Variants in MMAA observed in about 807,000 individuals in gnomAD.
MMAA encodes the protein metabolism of cobalamin associated A.
MMAA carries 41 observed loss-of-function variants against 45.0 expected under a neutral mutation model. That is an observed-to-expected ratio of 0.91 (90% CI 0.71 to 1.18). The LOEUF is 1.18. Among genes scored for constraint, MMAA ranks in the 50% most tolerant of loss-of-function variants. The pLI is 0.00. For synonymous variants in MMAA, 154 were observed against 178.2 expected (o/e 0.86, Z 1.08); for missense variants, 460 against 495.7 (o/e 0.93, Z 0.68).
At chr4:145,624,472 C>A (rs562937052) in intron 1 of MMAA, 3 of 895,292 alleles carry the variant, frequency 3.4e-6, no homozygotes, top group South Asian at 1.5e-5. Flanking sequence ...GTATTAGGCC[C>A]TTTCTTAGGA....
chr4:145,659,660 A>C lies in MMAA; in HGVS notation c.*4226A>C, dbSNP rs1224669646. 1 of 151,902 alleles carries C rather than the reference A, an allele frequency of 6.6e-6. No individual in the cohort carries two copies. The highest frequency in any genetic ancestry group is 6.6e-5 in the Admixed American group (1 of 15,258). The allele number at this position is 151,902 out of a possible 1,614,324, so 9.4% of individuals were successfully genotyped here. A position where few individuals can be genotyped will look rare whatever the true frequency, so the allele number is the denominator to read the frequency against. On this transcript the variant is annotated 3_prime_UTR_variant, in exon 7 of 7. Transcript: ENST00000649156. Reference sequence around the variant, plus strand: ...ATAGAGTTCTTTTTTTTCTTTTTTCAATTTTTACAATAATTTTTGACACAT... The same window carrying C: ...ATAGAGTTCTTTTTTTTCTTTTTTCCATTTTTACAATAATTTTTGACACAT...
chr4:145,643,659 G>A (rs547266625), intron 3 of MMAA, among the ~76,000 whole-genome samples: 1 of 152,068 alleles, frequency 6.6e-6, no homozygotes. Flanking sequence ...TGCTCACAAG[G>A]TTCAAAATTA....
At chr4:145,623,700 G>A (rs1319582659) in intron 1 of MMAA, among the ~76,000 whole-genome samples, 1 of 152,178 alleles carries the variant, frequency 6.6e-6, no homozygotes, top group Non-Finnish European at 1.5e-5. Flanking sequence ...ACCAGTAACA[G>A]AAGAAAACCC....
rs886059112 is a variant in MMAA, at chr4:145,658,656, T to C, written c.*3222T>C. 2.9e-5 allele frequency: 4 copies of C among 138,300 alleles called. No individual in the cohort carries two copies. Among genetic ancestry groups the C allele is most frequent in the Non-Finnish European group, 4.6e-5 (3 of 64,880 alleles). 8.6% of individuals were successfully genotyped at this position (138,300 alleles called of 1,614,324 possible). A position where few individuals can be genotyped will look rare whatever the true frequency, so the allele number is the denominator to read the frequency against. On this transcript the variant is annotated 3_prime_UTR_variant, in exon 7 of 7. Transcript: ENST00000649156. ...TGAAGACAACAGCTAACGAACAACA[T>C]ACGTGTGATAATTTATGTAGTTGAA... is the stretch of plus-strand genomic sequence containing the variant.
At chr4:145,623,908 T>C (rs1734141829) in intron 1 of MMAA, among the ~76,000 whole-genome samples, 3 of 152,180 alleles carry the variant, frequency 2.0e-5, no homozygotes, top group Admixed American at 2.0e-4. Context: ...GCATTTCTGG[T>C]GTGGGGGTGA....
At chr4:145,649,995 A>G (rs1326813616) in intron 4 of MMAA, among the ~76,000 whole-genome samples, 1 of 152,184 alleles carries the variant, frequency 6.6e-6, no homozygotes, top group Non-Finnish European at 1.5e-5. Context: ...GGGCTGGAAG[A>G]CAGTTTTAAG....
In MMAA at chr4:145,639,536, C is replaced by T. The variant is rs754545360; in HGVS notation, c.397C>T (p.Gln133Ter). ...GAAAGTATTACTTTACCACAGAGAA[C>T]AAGAACAATCAAATAAAGGAAAACC... ...LQKVLLYHRE[Q>*]EQSNKGKPLA... The change falls in exon 2 of 7, where the codon CAA (glutamine) becomes TAA (stop). Residue 133 changes from glutamine (Q) to a stop codon, truncating the protein, a stop_gained. Transcript: ENST00000649156. LOFTEE classifies it high-confidence loss of function. 6.2e-7 allele frequency: 1 copy of T among 1,611,180 alleles called. No homozygotes were observed. Among genetic ancestry groups the T allele is most frequent in the Non-Finnish European group, 8.5e-7 (1 of 1,178,442 alleles).
chr4:145,652,091 G>A lies in MMAA; in HGVS notation c.819+944G>A, dbSNP rs370316385. 3.5e-3 allele frequency among the ~76,000 whole-genome samples: 538 copies of A among 152,192 alleles called. 3 individuals carry two copies. Among genetic ancestry groups the A allele is most frequent in the Non-Finnish European group, 6.1e-3 (414 of 68,006 alleles). On this transcript the variant is annotated intron_variant, in intron 5 of 6. Transcript: ENST00000649156. ...GAAAGCACTATATTACAATTGCAGC[G>A]TGCTTATAAAGGAGACAAATCAGGA...
rs745735153 is a variant in MMAA, at chr4:145,639,257, T to C, written c.118T>C (p.Cys40Arg). ...TACTCATCTCGGATCAGGAATCCCA[T>C]GTGCTCAGCCGTTTAATTCTCTTGG... ...SSTHLGSGIP[C>R]AQPFNSLGLH... The change falls in exon 2 of 7, where the codon TGT becomes CGT. Residue 40 changes from cysteine (C) to arginine (R), a missense_variant. Physicochemically the swap from Cys to Arg is radical, Grantham distance 180 (BLOSUM62 -3). Coordinates refer to ENST00000649156, the MANE Select transcript of MMAA (RefSeq NM_172250.3). 8.1e-6 allele frequency: 13 copies of C among 1,614,204 alleles called. No individual in the cohort carries two copies. The highest frequency in any genetic ancestry group is 5.0e-5 in the Admixed American group (3 of 60,024).
At chr4:145,647,424 G>A (rs1321424185) in intron 4 of MMAA, among the ~76,000 whole-genome samples, 1 of 152,212 alleles carries the variant, frequency 6.6e-6, no homozygotes, top group Non-Finnish European at 1.5e-5. Flanking sequence ...CATAGTTTAA[G>A]TTAAAAATTT....
Position 145,646,115 on chromosome 4 carries a change from G to A in MMAA, c.692G>A (p.Cys231Tyr), listed in dbSNP as rs1260174931. ...TRTTNEAILL[C>Y]EGAGYDIILI... ...ACCACAAATGAAGCTATTCTGTTGT[G>A]TGAAGGAGCGGGATATGACATAATT... is the stretch of plus-strand genomic sequence containing the variant. The change falls in exon 4 of 7, where the codon TGT becomes TAT. Residue 231 changes from cysteine to tyrosine, a missense_variant. Coordinates refer to ENST00000649156, the MANE Select transcript of MMAA (RefSeq NM_172250.3). 1 of 1,614,102 alleles carries A rather than the reference G, an allele frequency of 6.2e-7. No individual in the cohort carries two copies. Among genetic ancestry groups the A allele is most frequent in the South Asian group, 1.1e-5 (1 of 91,080 alleles).
intron 1 of MMAA, chr4:145,625,104 C>G (rs1437079642): frequency 9.6e-7 from 1 of 1,040,634 alleles, no homozygotes; most frequent in African/African-American, 1.6e-5. Flanking sequence ...TGGAGAGTCA[C>G]TAGCCAATCT....
At chr4:145,637,291 C>A (rs2126615598) in intron 1 of MMAA, among the ~76,000 whole-genome samples, 1 of 152,266 alleles carries the variant, frequency 6.6e-6, no homozygotes, top group Middle Eastern at 3.4e-3. Context: ...AAAGTAGACT[C>A]CCTCTTAAAG....
Position 145,655,419 on chromosome 4 carries a change from TA to T in MMAA, c.1246del (p.Ser416AlafsTer10). The T allele has an allele frequency of 6.2e-7, 1 of 1,611,384 alleles. No homozygotes were observed. The highest frequency in any genetic ancestry group is 8.5e-7 in the Non-Finnish European group (1 of 1,179,148). ...CAGCAGACTTCTTGTTAAAAGCTTT[TA>T]AAAGCAGAGACTAATAAAATTCATC... ...LAADFLLKAFKSRD is the reference protein window; with the variant it reads ...LAADFLLKAFXSRD On this transcript the variant is annotated frameshift_variant, in exon 7 of 7. Coordinates refer to ENST00000649156, the MANE Select transcript of MMAA (RefSeq NM_172250.3). LOFTEE classifies it high-confidence loss of function.
chr4:145,652,033 G>C (rs906578885), intron 5 of MMAA, among the ~76,000 whole-genome samples: 1 of 151,924 alleles, frequency 6.6e-6, no homozygotes, highest in Non-Finnish European at 1.5e-5. Context: ...GGGGGTTGGG[G>C]ACCCTTGCAC....
intron 1 of MMAA, chr4:145,625,912 T>A (rs1476914110): frequency 6.3e-7 from 1 of 1,583,218 alleles, no homozygotes; most frequent in Non-Finnish European, 8.6e-7. Flanking sequence ...AAGTTATCTT[T>A]AATTTGCTGT....
chr4:145,637,321 TTG>T lies in MMAA; in HGVS notation c.-65-1748_-65-1747del, dbSNP rs1727641281. ...TTAAAGTTTTGTTTTAAATGTCTTT[TTG>T]TGTGTTTGTGTGAAAGGTGACATTA... On this transcript the variant is annotated intron_variant, in intron 1 of 6. Coordinates refer to ENST00000649156, the MANE Select transcript of MMAA (RefSeq NM_172250.3). 2.0e-5 allele frequency among the ~76,000 whole-genome samples: 3 copies of T among 152,230 alleles called. No homozygotes were observed. In the South Asian group the frequency reaches 6.2e-4, roughly 32 times the overall value.
chr4:145,622,179 A>G (rs1178111277), intron 1 of MMAA, among the ~76,000 whole-genome samples: 2 of 152,206 alleles, frequency 1.3e-5, no homozygotes, highest in Non-Finnish European at 2.9e-5. Context: ...TTATGGGGAC[A>G]GGTCTTTCCT....
intron 2 of MMAA, 29 bp from the exon 3 acceptor site, chr4:145,642,334 T>C (rs1390325222): frequency 1.9e-6 from 3 of 1,612,596 alleles, no homozygotes; most frequent in South Asian, 1.1e-5. Flanking sequence ...ATTTGTTTCA[T>C]TGAATTAGAA....
Sources: gnomAD v4.1 joint callset for allele counts (sites outside exome capture counted in the v4.1 genomes callset) on GRCh38, gnomAD v4.1.1 for gene constraint, MANE v1.5 for transcripts, NCBI Gene and HGNC (gene_info 2026-07-23, HGNC 2026-07-21) for gene names.